DOCK2: variants seen among roughly 807,000 people sequenced by gnomAD.
The protein encoded by DOCK2 is dedicator of cytokinesis protein 2.
DOCK2 carries 87 observed loss-of-function variants against 248.9 expected under a neutral mutation model. The observed-to-expected ratio is 0.35, with a 90% CI of 0.29 to 0.42. DOCK2 has a LOEUF of 0.42. DOCK2 is among the 10% of genes least tolerant of loss of function. DOCK2 has a pLI of 1.00. For synonymous variants in DOCK2, 805 were observed against 821.6 expected (o/e 0.98, Z 0.35); for missense variants, 1,747 against 2,300.2 (o/e 0.76, Z 4.92).
At chr5:169,756,852 G>A (rs979359969) in intron 23 of DOCK2, among the ~76,000 whole-genome samples, 1 of 151,806 alleles carries the variant, frequency 6.6e-6, no homozygotes, top group African/African-American at 2.4e-5. Context: ...TTGAACCTGG[G>A]AGGTGGAGTT....
At position 169,716,146 on chromosome 5, in the gene DOCK2, G is replaced by T. The variant is rs368460974; in HGVS notation, c.1942-67G>T. 8.2e-6 allele frequency: 11 copies of T among 1,346,396 alleles called. No individual in the cohort carries two copies. The Admixed American group carries it at 1.7e-4, about 21-fold the overall frequency. 83.4% of individuals were successfully genotyped at this position (1,346,396 alleles called of 1,614,324 possible). A position where few individuals can be genotyped will look rare whatever the true frequency, so the allele number is the denominator to read the frequency against. ...CATTCTCTTATAGATAGTTAGGAGT[G>T]GGATTGCTGGTTCACCTGTACTTTG... On this transcript the variant is annotated intron_variant, in intron 19 of 51. Coordinates refer to ENST00000520908, the MANE Select transcript of DOCK2 (RefSeq NM_004946.3).
Position 170,067,610 on chromosome 5 carries a change from C to T in DOCK2, c.4568C>T (p.Pro1523Leu), listed in dbSNP as rs1320587393. 1.2e-6 allele frequency: 2 copies of T among 1,614,074 alleles called. No homozygotes were observed. Among genetic ancestry groups the T allele is most frequent in the Admixed American group, 1.7e-5 (1 of 60,010 alleles). ...INQYQSDETL[P>L]INPLSMLLNG... ...CAGTACCAGAGTGATGAGACCCTCC[C>T]CATCAACCCACTCTCCATGCTCCTG... The change falls in exon 45 of 52, where the codon CCC becomes CTC. Residue 1523 changes from proline (P) to leucine (L), a missense_variant. Around this residue, in one of 4 missense-constraint regions of DOCK2, gnomAD observed 513 missense variants for 586.1 expected, o/e 0.88. Transcript: ENST00000520908.
intron 27 of DOCK2, chr5:169,934,510 A>G (rs759750099): frequency 2.5e-6 from 1 of 397,378 alleles, no homozygotes; most frequent in Non-Finnish European, 5.1e-6. Flanking sequence ...TGGAATGCTT[A>G]TCAGCACCCA....
rs146048653 is a variant in DOCK2, at chr5:169,815,167, C to T, written c.2703+11961C>T. 3.1e-3 allele frequency among the ~76,000 whole-genome samples: 477 copies of T among 152,254 alleles called. 3 individuals are homozygous for T. The highest frequency in any genetic ancestry group is 0.011 in the African/African-American group (445 of 41,546). ...GCCAGGGTATAGGACTTGAGTGTCA[C>T]CTGATCTTTGCCTGGCGGGCATGGA... On this transcript the variant is annotated intron_variant, in intron 26 of 51. Coordinates refer to ENST00000520908, the MANE Select transcript of DOCK2 (RefSeq NM_004946.3).
chr5:169,925,440 C>T (rs1775387998), intron 27 of DOCK2, among the ~76,000 whole-genome samples: 1 of 152,000 alleles, frequency 6.6e-6, no homozygotes, highest in Non-Finnish European at 1.5e-5. Flanking sequence ...ATTAACTGAG[C>T]GTGGTGTTGT....
At chr5:170,061,536 G>T (rs555243282) in intron 44 of DOCK2, among the ~76,000 whole-genome samples, 1 of 152,160 alleles carries the variant, frequency 6.6e-6, no homozygotes, top group African/African-American at 2.4e-5. Context: ...TAGCTAAACC[G>T]TGGGTTTAAC....
At chr5:170,061,283 T>G (rs1458734340) in intron 44 of DOCK2, among the ~76,000 whole-genome samples, 4 of 152,252 alleles carry the variant, frequency 2.6e-5, no homozygotes, top group Non-Finnish European at 4.4e-5. Context: ...AACAGCCCGT[T>G]GATAGCAAGT....
chr5:169,694,823 A>G (rs1760519924), intron 9 of DOCK2, among the ~76,000 whole-genome samples: 1 of 151,836 alleles, frequency 6.6e-6, no homozygotes, highest in African/African-American at 2.4e-5. Flanking sequence ...CTTAAAAAAA[A>G]AATTAGGTAG....
rs375363462 is a variant in DOCK2 at position 169,712,161 on chromosome 5, A to G, written c.1597A>G (p.Lys533Glu). 53 of 1,614,012 alleles carry G rather than the reference A, an allele frequency of 3.3e-5. No individual in the cohort carries two copies. Among genetic ancestry groups the G allele is most frequent in the Middle Eastern group, 3.3e-4 (2 of 6,080 alleles). Residue 533 changes from lysine (K) to glutamate (E), a missense_variant, in exon 17 of 52, where the codon AAG becomes GAG. Around this residue, in one of 4 missense-constraint regions of DOCK2, gnomAD observed 858 missense variants for 1,183.5 expected, o/e 0.72. Coordinates refer to ENST00000520908, the MANE Select transcript of DOCK2 (RefSeq NM_004946.3). ...GEKNFAMSYV[K>E]LMKEDGTTLH... The stretch of plus-strand genomic sequence containing the variant: ...AAAGAACTTTGCCATGTCCTATGTG[A>G]AGCTGATGAAAGAAGATGGGACTAC...
At chr5:170,073,617 T>G (rs1198676296) in intron 46 of DOCK2, among the ~76,000 whole-genome samples, 1 of 152,192 alleles carries the variant, frequency 6.6e-6, no homozygotes, top group Non-Finnish European at 1.5e-5. Context: ...CAGCAAAATT[T>G]TGTGGTTTTC....
chr5:169,880,104 T>G (rs1477345735), intron 27 of DOCK2, among the ~76,000 whole-genome samples: 1 of 152,226 alleles, frequency 6.6e-6, no homozygotes, highest in Non-Finnish European at 1.5e-5. Context: ...GAGCAATTGA[T>G]GAAACTTCTG....
At chr5:170,039,168 A>G (rs1486712036) in intron 36 of DOCK2, among the ~76,000 whole-genome samples, 1 of 152,174 alleles carries the variant, frequency 6.6e-6, no homozygotes, top group Non-Finnish European at 1.5e-5. Flanking sequence ...AAAATACATG[A>G]TAATAAAACA....
At chr5:169,966,662 T>C (rs1413348762) in intron 27 of DOCK2, among the ~76,000 whole-genome samples, 1 of 152,176 alleles carries the variant, frequency 6.6e-6, no homozygotes, top group East Asian at 1.9e-4. Context: ...AAAGCAATCC[T>C]GGCACACAGG....
intron 2 of DOCK2, among the ~76,000 whole-genome samples, chr5:169,667,763 A>G (rs1758820232): frequency 6.6e-6 from 1 of 152,236 alleles, no homozygotes; most frequent in Admixed American, 6.5e-5. Context: ...CAAAACAAAA[A>G]ATGTCAACAG....
intron 1 of DOCK2, among the ~76,000 whole-genome samples, chr5:169,652,299 G>A (rs1757851153): frequency 2.0e-5 from 3 of 152,250 alleles, no homozygotes; most frequent in Admixed American, 2.0e-4. Flanking sequence ...GGGTGGCCTT[G>A]TGCAGGGCAC....
At chr5:169,843,447 G>A (rs1008340560) in intron 27 of DOCK2, among the ~76,000 whole-genome samples, 2 of 152,158 alleles carry the variant, frequency 1.3e-5, no homozygotes, top group African/African-American at 2.4e-5. Flanking sequence ...GCATGAACCC[G>A]GGAGGCAGAG....
Position 169,850,855 on chromosome 5 carries a change from T to A in DOCK2, c.2799+10003T>A, listed in dbSNP as rs573635559. Among the ~76,000 whole-genome samples the A allele has an allele frequency of 6.7e-5, 10 of 149,134 alleles. No individual in the cohort carries two copies. In the East Asian group the frequency reaches 1.9e-3, roughly 29 times the overall value. On this transcript the variant is annotated intron_variant, in intron 27 of 51. Coordinates refer to ENST00000520908, the MANE Select transcript of DOCK2 (RefSeq NM_004946.3). The stretch of plus-strand genomic sequence containing the variant: ...CTGGGTCTTGAATGCCACGAAAAAC[T>A]TTAATGGCTGGAGAGGAAGGCTTGG...
Position 170,041,154 on chromosome 5 carries a change from A to T in DOCK2, c.3756+9A>T, listed in dbSNP as rs570358398. The T allele has an allele frequency of 1.0e-4, 163 of 1,611,536 alleles. 1 individual carries two copies. In the South Asian group the frequency reaches 1.8e-3, roughly 17 times the overall value. ...ACACCTGGCTTCTCAAGGTACAGTC[A>T]CTTTGGGTGAAGGGCATTTATGCTG... On this transcript the variant is annotated intron_variant, in intron 37 of 51. Transcript: ENST00000520908.
intron 38 of DOCK2, among the ~76,000 whole-genome samples, chr5:170,044,411 G>A (rs1581552245): frequency 6.6e-6 from 1 of 152,314 alleles, no homozygotes; most frequent in South Asian, 2.1e-4. Context: ...TGGCCACACA[G>A]GCAGACCTGA....
Sources: gnomAD v4.1 joint callset for allele counts (sites outside exome capture counted in the v4.1 genomes callset) on GRCh38, gnomAD v4.1.1 for gene constraint, gnomAD v4.1.1 regional missense constraint, MANE v1.5 for transcripts, NCBI Gene and HGNC (gene_info 2026-07-23, HGNC 2026-07-21) for gene names.